Variants in CLVS1 observed in about 807,000 individuals in gnomAD.
The protein encoded by CLVS1 is clavesin 1, also known as clavesin-1.
CLVS1 carries 10 observed loss-of-function variants against 33.1 expected under a neutral mutation model. The observed-to-expected ratio is 0.30, with a 90% CI of 0.19 to 0.51. The LOEUF is 0.51. Among genes scored for constraint, CLVS1 ranks in the 20% least tolerant of loss-of-function variants. The probability of loss-of-function intolerance (pLI) is 0.97; values close to 1 mark genes in which losing one functional copy is unlikely to be tolerated. For missense variants in CLVS1, 343 were observed against 433.4 expected, an observed-to-expected ratio of 0.79 and a Z score of 1.85; for synonymous variants, 163 against 166.1, an observed-to-expected ratio of 0.98 and a Z score of 0.14.
At chr8:61,023,599 A>G in the CLVS1 span, among the ~76,000 whole-genome samples, 1 of 152,158 alleles carries the variant, frequency 6.6e-6, no homozygotes, top group African/African-American at 2.4e-5. Context: ...ATCAAGTAGG[A>G]TTTATGTTTT....
At chr8:61,314,042 A>C (rs958336205) in intron 2 of CLVS1, among the ~76,000 whole-genome samples, 4 of 152,140 alleles carry the variant, frequency 2.6e-5, no homozygotes, top group Non-Finnish European at 4.4e-5. Context: ...TCAACTCACA[A>C]ATTTTATATT....
the CLVS1 span, among the ~76,000 whole-genome samples, chr8:60,977,038 T>C: frequency 1.6e-4 from 25 of 152,100 alleles, no homozygotes; most frequent in Non-Finnish European, 3.4e-4. Context: ...TTTTGGGAGG[T>C]AGACAGTCTG....
intron 3 of CLVS1, among the ~76,000 whole-genome samples, chr8:61,412,940 GT>G (rs1815289004): frequency 6.6e-6 from 1 of 152,152 alleles, no homozygotes; most frequent in Admixed American, 6.5e-5. Context: ...GATTATACTA[GT>G]TTTTCCCCCA....
the CLVS1 span, among the ~76,000 whole-genome samples, chr8:61,027,464 A>G: frequency 6.8e-4 from 104 of 152,298 alleles, 1 homozygote; most frequent in African/African-American, 2.3e-3. Context: ...AATTAATAAA[A>G]TGAGCTGTCT....
intron 2 of CLVS1, among the ~76,000 whole-genome samples, chr8:61,356,589 G>T (rs1304226851): frequency 6.6e-6 from 1 of 151,896 alleles, no homozygotes; most frequent in East Asian, 1.9e-4. Flanking sequence ...ATTAATTTTT[G>T]TATAAGGTGT....
chr8:61,433,684 G>T (rs888100995), intron 3 of CLVS1, among the ~76,000 whole-genome samples: 2 of 152,020 alleles, frequency 1.3e-5, no homozygotes, highest in Non-Finnish European at 2.9e-5. Flanking sequence ...CCCTGACCAG[G>T]TTTGAAGGGC....
intron 2 of CLVS1, among the ~76,000 whole-genome samples, chr8:61,213,896 A>C (rs1448267899): frequency 6.6e-6 from 1 of 152,186 alleles, no homozygotes; most frequent in Admixed American, 6.5e-5. Flanking sequence ...AAATGGGAGA[A>C]ATATCGCTGA....
chr8:61,268,659 C>T (rs1389208946), intron 2 of CLVS1, among the ~76,000 whole-genome samples: 1 of 134,450 alleles, frequency 7.4e-6, no homozygotes, highest in Non-Finnish European at 1.6e-5. Context: ...CCTATTTCTC[C>T]ACATCCTCTC....
chr8:61,113,329 T>C (rs545253517), intron 1 of CLVS1, among the ~76,000 whole-genome samples: 7 of 152,318 alleles, frequency 4.6e-5, no homozygotes, highest in African/African-American at 1.4e-4. Flanking sequence ...CACAGGCTGC[T>C]GAGTCCTAGA....
chr8:61,269,277 C>A (rs1377986502), intron 2 of CLVS1, among the ~76,000 whole-genome samples: 6 of 152,156 alleles, frequency 3.9e-5, no homozygotes, highest in Admixed American at 6.5e-5. Context: ...AATAGGGAAT[C>A]CTCTCCCATT....
intron 2 of CLVS1, among the ~76,000 whole-genome samples, chr8:61,218,981 G>C (rs1167972970): frequency 6.6e-6 from 1 of 151,968 alleles, no homozygotes; most frequent in Non-Finnish European, 1.5e-5. Context: ...CTGAGCTCAA[G>C]GTACTCACAA....
chr8:61,235,615 T>C (rs1011462716), intron 2 of CLVS1, among the ~76,000 whole-genome samples: 6 of 152,182 alleles, frequency 3.9e-5, no homozygotes, highest in African/African-American at 1.4e-4. Context: ...TAGAGACTAG[T>C]AGGGGAAAGG....
the CLVS1 span, among the ~76,000 whole-genome samples, chr8:61,044,287 G>A: frequency 4.6e-5 from 7 of 152,148 alleles, no homozygotes; most frequent in African/African-American, 9.7e-5. Flanking sequence ...TGTATGCCAC[G>A]TGAAAAATAT....
chr8:61,469,817 A>G (rs1488008454), intron 5 of CLVS1, among the ~76,000 whole-genome samples: 1 of 152,168 alleles, frequency 6.6e-6, no homozygotes, highest in African/African-American at 2.4e-5. Context: ...CAACAACACT[A>G]TATAATGCAT....
intron 1 of CLVS1, among the ~76,000 whole-genome samples, chr8:61,128,421 A>C (rs947694380): frequency 2.6e-5 from 4 of 152,206 alleles, no homozygotes; most frequent in Non-Finnish European, 5.9e-5. Flanking sequence ...TTCATCACCT[A>C]TGCTTTTTCT....
chr8:61,186,165 G>A (rs776250569), intron 2 of CLVS1, among the ~76,000 whole-genome samples: 15 of 152,282 alleles, frequency 9.9e-5, no homozygotes, highest in African/African-American at 1.4e-4. Flanking sequence ...CAGAGAGTAC[G>A]CAGATAGGTT....
In CLVS1 at chr8:61,488,363, C is replaced by A. The variant is rs111233079; in HGVS notation, c.978-11092C>A. Among the ~76,000 whole-genome samples, 317 of 152,296 alleles carry A rather than the reference C, an allele frequency of 2.1e-3. 1 individual carries two copies. The highest frequency in any genetic ancestry group is 6.8e-3 in the Middle Eastern group (2 of 294). ...CTAGTTATGACCTTGAATGCTCTCACACTTCAAGCTATGAGGGTGACTCTG... is the reference window on the plus strand; with the variant it reads ...CTAGTTATGACCTTGAATGCTCTCAAACTTCAAGCTATGAGGGTGACTCTG... On this transcript the variant is annotated intron_variant, in intron 5 of 5. Coordinates refer to ENST00000325897, the MANE Select transcript of CLVS1 (RefSeq NM_173519.3).
chr8:61,404,508 A>G (rs926448037), intron 3 of CLVS1, among the ~76,000 whole-genome samples: 3 of 152,216 alleles, frequency 2.0e-5, no homozygotes, highest in Non-Finnish European at 4.4e-5. Flanking sequence ...AAGATCCAGT[A>G]CAATTATTTC....
At chr8:61,178,448 C>T (rs1375551866) in intron 2 of CLVS1, among the ~76,000 whole-genome samples, 2 of 152,050 alleles carry the variant, frequency 1.3e-5, no homozygotes, top group South Asian at 2.1e-4. Flanking sequence ...GGAGAACTTC[C>T]CCAACCTAGT....
Sources: gnomAD v4.1 joint callset for allele counts (sites outside exome capture counted in the v4.1 genomes callset) on GRCh38, gnomAD v4.1.1 for gene constraint, MANE v1.5 for transcripts, NCBI Gene and HGNC (gene_info 2026-07-23, HGNC 2026-07-21) for gene names.